Variants in GLRB observed in about 807,000 individuals in gnomAD.
The protein encoded by GLRB is glycine receptor beta, also known as glycine receptor subunit beta.
GLRB carries 33 observed loss-of-function variants against 54.2 expected under a neutral mutation model. The observed-to-expected ratio is 0.61, with a 90% CI of 0.46 to 0.81. The LOEUF (loss-of-function observed/expected upper bound fraction) is 0.81, where lower values mean the gene tolerates loss of function less well. GLRB is among the 40% of genes least tolerant of loss of function. The pLI, the probability that GLRB is intolerant of heterozygous loss-of-function variation, is 0.00. For missense variants in GLRB, 572 were observed against 584.6 expected (o/e 0.98, Z 0.22); for synonymous variants, 209 against 208.2 (o/e 1.00, Z -0.03).
chr4:157,085,606 C>T (rs1734380248), intron 2 of GLRB, among the ~76,000 whole-genome samples: 2 of 152,064 alleles, frequency 1.3e-5, no homozygotes, highest in African/African-American at 4.8e-5. Flanking sequence ...AAGTGATTCT[C>T]CTGCCTCAGC....
intron 2 of GLRB, among the ~76,000 whole-genome samples, chr4:157,099,480 G>C (rs1316493320): frequency 2.6e-5 from 4 of 151,908 alleles, no homozygotes; most frequent in Non-Finnish European, 5.9e-5. Flanking sequence ...GGGATCACAG[G>C]CATGTGTCAC....
chr4:157,093,297 T>G (rs1452589973), intron 2 of GLRB, among the ~76,000 whole-genome samples: 1 of 152,212 alleles, frequency 6.6e-6, no homozygotes, highest in Non-Finnish European at 1.5e-5. Context: ...ATGTTAGCTG[T>G]CAATGGACAT....
intron 9 of GLRB, among the ~76,000 whole-genome samples, chr4:157,161,976 C>T (rs977899583): frequency 6.6e-5 from 10 of 152,280 alleles, no homozygotes; most frequent in South Asian, 2.1e-4. Context: ...ACCAGTCAGA[C>T]GTAGATTTGG....
intron 2 of GLRB, among the ~76,000 whole-genome samples, chr4:157,115,536 G>A (rs1045107283): frequency 8.6e-5 from 13 of 151,722 alleles, no homozygotes; most frequent in Non-Finnish European, 1.5e-4. Flanking sequence ...TGTCTGAAAA[G>A]CAGAATTAAC....
At chr4:157,152,658 G>GACC in intron 8 of GLRB, 60 bp from the exon 9 acceptor site, 1 of 1,294,274 alleles carries the variant, frequency 7.7e-7, no homozygotes, top group Non-Finnish European at 1.1e-6. Flanking sequence ...AAAGAGTAAT[G>GACC]ACCCCAGAAC....
At chr4:157,138,126 C>A (rs1444175692) in intron 6 of GLRB, among the ~76,000 whole-genome samples, 1 of 152,150 alleles carries the variant, frequency 6.6e-6, no homozygotes, top group Non-Finnish European at 1.5e-5. Context: ...GGCTAGACTA[C>A]AGTGGTGCGA....
intron 6 of GLRB, among the ~76,000 whole-genome samples, chr4:157,137,616 A>G (rs1212785224): frequency 6.6e-6 from 1 of 152,160 alleles, no homozygotes; most frequent in East Asian, 1.9e-4. Context: ...TCTAGGTTAT[A>G]TGTCTAAAGT....
intron 4 of GLRB, among the ~76,000 whole-genome samples, chr4:157,124,560 A>C (rs1735950420): frequency 6.6e-6 from 1 of 151,860 alleles, no homozygotes; most frequent in Admixed American, 6.6e-5. Flanking sequence ...TGAGTGAATA[A>C]ATGAACAAAT....
chr4:157,090,121 C>T (rs1324820401), intron 2 of GLRB, among the ~76,000 whole-genome samples: 1 of 152,168 alleles, frequency 6.6e-6, no homozygotes, highest in South Asian at 2.1e-4. Context: ...TCCTCTACAA[C>T]AGTGGATCTC....
At chr4:157,152,686 A>G in intron 8 of GLRB, 32 bp from the exon 9 acceptor site, 1 of 1,593,182 alleles carries the variant, frequency 6.3e-7, no homozygotes, top group Admixed American at 1.7e-5. Context: ...AGGGATAAAA[A>G]GCAACTTTCA....
At chr4:157,160,994 T>A (rs1235016455) in intron 9 of GLRB, among the ~76,000 whole-genome samples, 1 of 152,198 alleles carries the variant, frequency 6.6e-6, no homozygotes, top group African/African-American at 2.4e-5. Context: ...TCTAAAGACT[T>A]GCTTTATGAA....
In GLRB at chr4:157,138,165, G is replaced by A. The variant is rs565827076; in HGVS notation, c.611-644G>A. Among the ~76,000 whole-genome samples, 50 of 152,186 alleles carry A rather than the reference G, an allele frequency of 3.3e-4. 1 individual carries two copies. In the South Asian group the frequency reaches 5.0e-3, roughly 15 times the overall value. Reference sequence around the variant, plus strand: ...CAGCTCACTGCAACCTCCACTTTGCGGGTTCAAGCAATTCTCCTGCCTCAG... The same window carrying A: ...CAGCTCACTGCAACCTCCACTTTGCAGGTTCAAGCAATTCTCCTGCCTCAG... On this transcript the variant is annotated intron_variant, in intron 6 of 9. Coordinates refer to ENST00000264428, the MANE Select transcript of GLRB (RefSeq NM_000824.5).
In GLRB at chr4:157,120,547, C is replaced by G. The variant is rs1735776024; in HGVS notation, c.123-9C>G. 6.8e-7 allele frequency: 1 copy of G among 1,478,652 alleles called. No homozygotes were observed. The highest frequency in any genetic ancestry group is 9.4e-7 in the Non-Finnish European group (1 of 1,059,044). The allele number at this position is 1,478,652 out of a possible 1,614,324, so 91.6% of individuals were successfully genotyped here. A position where few individuals can be genotyped will look rare whatever the true frequency, so the allele number is the denominator to read the frequency against. ...TAACTACTTATCAGGATTTTTCTCT[C>G]TCTTATAGTCAGCAGTCAGCAGAGG... is the stretch of plus-strand genomic sequence containing the variant. On this transcript the variant is annotated splice_polypyrimidine_tract_variant and intron_variant, in intron 2 of 9. Coordinates refer to ENST00000264428, the MANE Select transcript of GLRB (RefSeq NM_000824.5).
At chr4:157,125,031 C>T (rs1735966508) in intron 4 of GLRB, among the ~76,000 whole-genome samples, 1 of 151,710 alleles carries the variant, frequency 6.6e-6, no homozygotes, top group African/African-American at 2.4e-5. Context: ...AAGCATAAGT[C>T]ATTATAGATA....
chr4:157,130,751 T>G (rs1459172315), intron 4 of GLRB, among the ~76,000 whole-genome samples: 3 of 151,624 alleles, frequency 2.0e-5, no homozygotes, highest in East Asian at 1.9e-4. Context: ...TTTCAATTTT[T>G]GGGGGTATAT....
At chr4:157,169,400 A>T (rs1265217206) in intron 9 of GLRB, among the ~76,000 whole-genome samples, 2 of 152,212 alleles carry the variant, frequency 1.3e-5, no homozygotes, top group East Asian at 3.9e-4. Context: ...CCTCTAATCT[A>T]AGAGCATTTT....
chr4:157,142,972 C>G (rs1257103964), intron 7 of GLRB, among the ~76,000 whole-genome samples: 1 of 152,070 alleles, frequency 6.6e-6, no homozygotes, highest in East Asian at 1.9e-4. Context: ...GAATGCAGTA[C>G]TGTGAGCATA....
intron 2 of GLRB, among the ~76,000 whole-genome samples, chr4:157,120,098 C>T (rs375741120): frequency 6.6e-6 from 1 of 151,320 alleles, no homozygotes; most frequent in Non-Finnish European, 1.5e-5. Context: ...ATGGATGAAA[C>T]TGGAAATCAT....
chr4:157,131,030 A>G (rs72980532), intron 4 of GLRB, among the ~76,000 whole-genome samples: 14,269 of 146,942 alleles, frequency 0.097, 1,501 homozygotes, highest in African/African-American at 0.28. Flanking sequence ...CATAGTCTTG[A>G]AGAATTTTTT....
Sources: gnomAD v4.1 joint callset for allele counts (sites outside exome capture counted in the v4.1 genomes callset) on GRCh38, gnomAD v4.1.1 for gene constraint, MANE v1.5 for transcripts, NCBI Gene and HGNC (gene_info 2026-07-23, HGNC 2026-07-21) for gene names.